The following CNTN5 variants were observed in gnomAD, a reference collection of about 807,000 sequenced individuals.
The protein encoded by CNTN5 is contactin 5, also known as contactin-5.
Under a neutral mutation model 129.1 loss-of-function variants are expected in CNTN5, and 77 were observed. The observed-to-expected ratio is 0.60, with a 90% CI of 0.50 to 0.72. CNTN5 has a LOEUF of 0.72. CNTN5 is among the 30% of genes least tolerant of loss of function. The probability of loss-of-function intolerance (pLI) is 0.00; values close to 1 mark genes in which losing one functional copy is unlikely to be tolerated. For synonymous variants in CNTN5, 509 were observed against 465.6 expected (o/e 1.09, Z -1.20); for missense variants, 1,478 against 1,328.8 (o/e 1.11, Z -1.75).
chr11:99,882,691 T>C (rs1948802431), intron 6 of CNTN5, among the ~76,000 whole-genome samples: 1 of 152,216 alleles, frequency 6.6e-6, no homozygotes, highest in South Asian at 2.1e-4. Context: ...CTTTAGCATT[T>C]ATCTTTTGTG....
At chr11:99,766,001 T>C (rs1944741276) in intron 3 of CNTN5, among the ~76,000 whole-genome samples, 1 of 152,058 alleles carries the variant, frequency 6.6e-6, no homozygotes, top group South Asian at 2.1e-4. Flanking sequence ...ATAATTTTAC[T>C]AGCATCTTGA....
chr11:100,030,911 A>G (rs1941674713), intron 9 of CNTN5, among the ~76,000 whole-genome samples: 1 of 152,160 alleles, frequency 6.6e-6, no homozygotes. Context: ...GGAAGACCAC[A>G]TTTCCCAAAT....
At chr11:100,096,690 T>C (rs1945023001) in intron 13 of CNTN5, among the ~76,000 whole-genome samples, 1 of 152,138 alleles carries the variant, frequency 6.6e-6, no homozygotes, top group African/African-American at 2.4e-5. Flanking sequence ...TACACTAGAA[T>C]GTAGTCTGCA....
intron 3 of CNTN5, among the ~76,000 whole-genome samples, chr11:99,787,652 A>G (rs777112363): frequency 5.3e-5 from 8 of 152,066 alleles, no homozygotes; most frequent in Admixed American, 2.0e-4. Flanking sequence ...GATATTTCCA[A>G]TTATTTCAAA....
At chr11:100,236,569 A>G (rs12282621) in intron 16 of CNTN5, among the ~76,000 whole-genome samples, 1,652 of 152,172 alleles carry the variant, frequency 0.011, 40 homozygotes, top group African/African-American at 0.038. Flanking sequence ...CATAGAAAAC[A>G]ATTTGGGTTT....
At chr11:99,628,633 C>CACACACACACACAT (rs1951221787) in intron 3 of CNTN5, among the ~76,000 whole-genome samples, 1 of 150,544 alleles carries the variant, frequency 6.6e-6, no homozygotes, top group African/African-American at 2.4e-5. Flanking sequence ...CACACACACA[C>CACACACACACACAT]ACACACACAC....
At chr11:99,935,959 T>C (rs1434814921) in intron 7 of CNTN5, among the ~76,000 whole-genome samples, 3 of 152,170 alleles carry the variant, frequency 2.0e-5, no homozygotes, top group Admixed American at 6.5e-5. Flanking sequence ...TTTAGTTTTA[T>C]AGAGGGCATT....
intron 4 of CNTN5, 74 bp from the exon 5 acceptor site, chr11:99,844,778 G>C: frequency 7.0e-7 from 1 of 1,421,460 alleles, no homozygotes. Flanking sequence ...ATATAAGTAA[G>C]ATGGAAAAGA....
intron 1 of CNTN5, among the ~76,000 whole-genome samples, chr11:99,141,856 T>G (rs2135463241): frequency 6.6e-6 from 1 of 152,298 alleles, no homozygotes; most frequent in Middle Eastern, 3.4e-3. Context: ...GTGGTCCAAA[T>G]GTGTAGTTGG....
At chr11:99,655,083 G>T (rs1952302917) in intron 3 of CNTN5, among the ~76,000 whole-genome samples, 1 of 152,074 alleles carries the variant, frequency 6.6e-6, no homozygotes. Flanking sequence ...TTCTCATGCA[G>T]ATCCCATTCC....
chr11:100,189,246 A>G (rs927911700), intron 13 of CNTN5, among the ~76,000 whole-genome samples: 8 of 148,950 alleles, frequency 5.4e-5, no homozygotes, highest in African/African-American at 2.0e-4. Flanking sequence ...AGTTAAAATT[A>G]TAAAATAAAT....
In CNTN5 at chr11:100,070,439, T is replaced by G; in HGVS notation, c.1178T>G (p.Val393Gly). ...ATACTTACAGCCTACCCACACTGGG[T>G]AGAAAAACTGAATGATACTCAGTTA... is the stretch of plus-strand genomic sequence containing the variant. ...QLQVYTYPHW[V>G]EKLNDTQLDS... Residue 393 changes from valine to glycine, a missense_variant, in exon 11 of 25, where the codon GTA (valine) becomes GGA (glycine). By Grantham distance (109) the Val-to-Gly change is moderately radical (BLOSUM62 -3). Coordinates refer to ENST00000524871, the MANE Select transcript of CNTN5 (RefSeq NM_014361.4). 6.2e-7 allele frequency: 1 copy of G among 1,612,006 alleles called. No homozygotes were observed. Among genetic ancestry groups the G allele is most frequent in the Non-Finnish European group, 8.5e-7 (1 of 1,178,952 alleles).
At chr11:100,056,018 A>G (rs565252547) in intron 9 of CNTN5, among the ~76,000 whole-genome samples, 2 of 151,568 alleles carry the variant, frequency 1.3e-5, no homozygotes, top group Non-Finnish European at 3.0e-5. Context: ...GCTGTAATCT[A>G]TCTATCACTT....
chr11:99,911,908 T>C (rs17134658), intron 6 of CNTN5, among the ~76,000 whole-genome samples: 1 of 151,894 alleles, frequency 6.6e-6, no homozygotes, highest in Non-Finnish European at 1.5e-5. Flanking sequence ...AGAGTCAAAT[T>C]TGTAGCCAAC....
intron 3 of CNTN5, among the ~76,000 whole-genome samples, chr11:99,776,235 G>A (rs1945119522): frequency 6.6e-6 from 1 of 151,918 alleles, no homozygotes; most frequent in South Asian, 2.1e-4. Context: ...TGCTGCAGAA[G>A]CCACACACAC....
chr11:99,348,058 CAAATT>C (rs760362238), intron 2 of CNTN5, among the ~76,000 whole-genome samples: 18 of 152,224 alleles, frequency 1.2e-4, no homozygotes, highest in Non-Finnish European at 2.2e-4. Flanking sequence ...AGATTACTAA[CAAATT>C]AAATTTAAAT....
chr11:100,106,634 A>G (rs1453753141), intron 13 of CNTN5, among the ~76,000 whole-genome samples: 2 of 152,188 alleles, frequency 1.3e-5, no homozygotes, highest in African/African-American at 4.8e-5. Flanking sequence ...ATATAAATGA[A>G]AAAAATAGGG....
At chr11:100,061,576 A>G (rs1943485944) in intron 10 of CNTN5, among the ~76,000 whole-genome samples, 183 bp downstream of exon 10, 1 of 152,248 alleles carries the variant, frequency 6.6e-6, no homozygotes, top group Non-Finnish European at 1.5e-5. Context: ...GATTTAAATT[A>G]TAAATGAATG....
rs575152456 is a variant in CNTN5, at chr11:99,672,517, A to G, written c.55+116248A>G. Among the ~76,000 whole-genome samples the G allele has an allele frequency of 1.4e-4, 22 of 151,748 alleles. No homozygotes were observed. The East Asian group carries it at 3.9e-3, about 27-fold the overall frequency. On this transcript the variant is annotated intron_variant, in intron 3 of 24. Transcript: ENST00000524871. ...CTTCTCTGATATGCACCCCAAACAG[A>G]AGCTGTCCAAGCAAATTCTTACTTA... is the stretch of plus-strand genomic sequence containing the variant.
Sources: allele counts gnomAD v4.1 joint callset (sites outside exome capture counted in the v4.1 genomes callset), GRCh38; gene constraint gnomAD v4.1.1; transcripts MANE v1.5; gene names NCBI Gene and HGNC (gene_info 2026-07-23, HGNC 2026-07-21).